The following AGRN variants were observed in gnomAD, a reference collection of about 807,000 sequenced individuals.
The protein encoded by AGRN is agrin.
A neutral mutation model predicts 211.0 loss-of-function variants in AGRN; 106 were observed. That is an observed-to-expected ratio of 0.50 (90% CI 0.43 to 0.59). The LOEUF is 0.59. Ranked by LOEUF, AGRN falls within the 20% of genes least tolerant of loss-of-function variation. AGRN has a pLI of 0.00. For synonymous variants in AGRN, 1,525 were observed against 1,332.5 expected (o/e 1.14, Z -3.15); for missense variants, 3,040 against 2,982.6 (o/e 1.02, Z -0.45).
intron 2 of AGRN, chr1:1,034,682 G>T: frequency 1.0e-6 from 1 of 991,464 alleles, no homozygotes; most frequent in East Asian, 1.1e-4. Flanking sequence ...CGGCTTCGCG[G>T]TGCTGCTGTT....
chr1:1,045,655 T>C, intron 14 of AGRN, 78 bp from the exon 15 acceptor site: 1 of 1,609,362 alleles, frequency 6.2e-7, no homozygotes, highest in Non-Finnish European at 8.5e-7. Context: ...AGAGCCAGGG[T>C]TGGGGACCAG....
intron 3 of AGRN, among the ~76,000 whole-genome samples, chr1:1,037,186 G>A (rs548600893): frequency 3.0e-4 from 45 of 152,200 alleles, no homozygotes; most frequent in Admixed American, 5.9e-4. Context: ...GGCAAGAACT[G>A]CGTTTCCACC....
intron 2 of AGRN, among the ~76,000 whole-genome samples, chr1:1,028,037 G>A (rs1644557367): frequency 6.6e-6 from 1 of 152,166 alleles, no homozygotes; most frequent in African/African-American, 2.4e-5. Flanking sequence ...TGTGAGCAGG[G>A]CTCACCATGA....
rs1317875061 is a variant in AGRN at position 1,047,704 on chromosome 1, G to A, written c.3631+17G>A. The A allele has an allele frequency of 2.5e-6, 4 of 1,612,946 alleles. No homozygotes were observed. Among genetic ancestry groups the A allele is most frequent in the Non-Finnish European group, 3.4e-6 (4 of 1,179,990 alleles). ...TTGACCCCAGTGAGACCTGCACCCT[G>A]GACCCTTCCTGGGAGGCAATGGGTG... On this transcript the variant is annotated intron_variant, in intron 21 of 35. Coordinates refer to ENST00000379370, the MANE Select transcript of AGRN (RefSeq NM_198576.4).
In AGRN at chr1:1,032,953, C is replaced by T. The variant is rs1644704765; in HGVS notation, c.464-2324C>T. Among the ~76,000 whole-genome samples, 1 of 152,050 alleles carries T rather than the reference C, an allele frequency of 6.6e-6. No individual in the cohort carries two copies. Among genetic ancestry groups the T allele is most frequent in the Admixed American group, 6.5e-5 (1 of 15,282 alleles). ...GCCCCTCCCTTACCCCCGGATCCCCCGGCTGGGCAGCGGCCAGGGAGAGGG... is the reference window on the plus strand; with the variant it reads ...GCCCCTCCCTTACCCCCGGATCCCCTGGCTGGGCAGCGGCCAGGGAGAGGG... On this transcript the variant is annotated intron_variant, in intron 2 of 35. Transcript: ENST00000379370. This position sits in a 1 kb window ranked among gnomAD's most constrained non-coding sequence, Gnocchi z 4.7.
chr1:1,043,901 C>T lies in AGRN; in HGVS notation c.1877C>T (p.Pro626Leu), dbSNP rs780726452. The change falls in exon 10 of 36, where the codon CCC becomes CTC. Residue 626 changes from proline to leucine, a missense_variant. Transcript: ENST00000379370. ...TGTGTGTGTCCCCGGTGTGAGCACCCCCCGCCCGGCCCCGTGTGTGGCAGC... is the reference window on the plus strand; with the variant it reads ...TGTGTGTGTCCCCGGTGTGAGCACCTCCCGCCCGGCCCCGTGTGTGGCAGC... ...GQCVCPRCEH[P>L]PPGPVCGSDG... 6.2e-7 allele frequency: 1 copy of T among 1,610,258 alleles called. No homozygotes were observed. Among genetic ancestry groups the T allele is most frequent in the East Asian group, 2.2e-5 (1 of 44,782 alleles).
chr1:1,049,341 C>T lies in AGRN; in HGVS notation c.4404C>T (p.Leu1468=), dbSNP rs1355780558. Residue 1468 remains leucine (L), a synonymous_variant, in exon 25 of 36, where the codon CTC becomes CTT. Coordinates refer to ENST00000379370, the MANE Select transcript of AGRN (RefSeq NM_198576.4). ...CCCGGCACTGGCGCCGGGGCACCCTCTCGGTGGATGGTGAGACCCCTGTTC... is the reference window on the plus strand; with the variant it reads ...CCCGGCACTGGCGCCGGGGCACCCTTTCGGTGGATGGTGAGACCCCTGTTC... ...ELSRHWRRGT[L]SVDGETPVLG... 35 of 1,598,168 alleles carry T rather than the reference C, an allele frequency of 2.2e-5. 1 individual carries two copies. The highest frequency in any genetic ancestry group is 2.7e-5 in the Non-Finnish European group (32 of 1,179,576).
In AGRN at chr1:1,044,016, C is replaced by G; in HGVS notation, c.1992C>G (p.Cys664Trp). 1 of 1,608,970 alleles carries G rather than the reference C, an allele frequency of 6.2e-7. No individual in the cohort carries two copies. ...TQIEEARAGPCEQAECGSGGS... is the reference protein window; with the variant it reads ...TQIEEARAGPWEQAECGSGGS... ...TCGAGGAGGCCCGGGCAGGGCCGTG[C>G]GAGCAGGGTAGGCCGGGGGACGCTG... The change falls in exon 10 of 36, where the codon TGC becomes TGG. Residue 664 changes from cysteine to tryptophan, a missense_variant. Cys to Trp is a radical substitution (Grantham distance 215). This residue lies in a region of AGRN where 1,498 missense variants were observed against 1,457.8 expected (regional missense o/e 1.03). Transcript: ENST00000379370.
intron 2 of AGRN, chr1:1,034,978 C>T: frequency 1.9e-6 from 1 of 532,780 alleles, no homozygotes. Context: ...TAGGGCAGGA[C>T]CTGCGGTGGA....
intron 2 of AGRN, among the ~76,000 whole-genome samples, chr1:1,025,516 G>C (rs562162324): frequency 6.6e-6 from 1 of 152,080 alleles, no homozygotes; most frequent in African/African-American, 2.4e-5. Context: ...GCTGGGGCCA[G>C]CCCCCTCTCC....
chr1:1,034,211 C>CGGCTCCGGG (rs1019548728), intron 2 of AGRN: 11 of 985,234 alleles, frequency 1.1e-5, no homozygotes, highest in African/African-American at 3.5e-5. Flanking sequence ...CCGGCCTGCG[C>CGGCTCCGGG]GGCTCCGGGG....
chr1:1,033,119 C>T (rs979358019), intron 2 of AGRN, among the ~76,000 whole-genome samples: 1 of 152,030 alleles, frequency 6.6e-6, no homozygotes, highest in African/African-American at 2.4e-5. Flanking sequence ...GGCGTTCCAG[C>T]CCCACGGACC....
chr1:1,054,102 T>C (rs1184372684), intron 34 of AGRN, 125 bp downstream of exon 34: 5 of 1,048,990 alleles, frequency 4.8e-6, no homozygotes, highest in Non-Finnish European at 5.7e-6. Context: ...TGAGCCGAGG[T>C]CACTGCCAGT....
chr1:1,051,746 C>T lies in AGRN; in HGVS notation c.5582C>T (p.Ala1861Val), dbSNP rs138113721. 31 of 1,613,740 alleles carry T rather than the reference C, an allele frequency of 1.9e-5. No homozygotes were observed. The highest frequency in any genetic ancestry group is 2.1e-5 in the Non-Finnish European group (25 of 1,179,984). Residue 1861 changes from alanine to valine, a missense_variant, in exon 33 of 36, where the codon GCG (alanine) becomes GTG (valine). By Grantham distance (64) the Ala-to-Val change is moderately conservative. This residue lies in a region of AGRN where 1,537 missense variants were observed against 1,505.0 expected (regional missense o/e 1.02). Coordinates refer to ENST00000379370, the MANE Select transcript of AGRN (RefSeq NM_198576.4). ...CTCACAGGGCTGGTGGAGAAGTCAG[C>T]GGGGGACGTGGATACCTTGGCCTTT... is the stretch of plus-strand genomic sequence containing the variant. ...HCEKGLVEKS[A>V]GDVDTLAFDG...
Position 1,046,474 on chromosome 1 carries a change from C to T in AGRN, c.2989C>T (p.Leu997=). 1.9e-6 allele frequency: 3 copies of T among 1,611,920 alleles called. No individual in the cohort carries two copies. The highest frequency in any genetic ancestry group is 2.5e-6 in the Non-Finnish European group (3 of 1,179,548). The change falls in exon 18 of 36, where the codon CTG becomes TTG. Residue 997 remains leucine, a synonymous_variant. Transcript: ENST00000379370. The part of the protein sequence containing the change: ...TTPGLLLSQA[L]PAPPGALPLA... ...CCCAGGGCTCCTCCTGAGCCAGGCA[C>T]TGCCGGCCCCCCCCGGCGCCCTCCC... is the stretch of plus-strand genomic sequence containing the variant.
At position 1,040,867 on chromosome 1, in the gene AGRN, C is replaced by T; in HGVS notation, c.714C>T (p.Ser238=). 1 of 1,521,666 alleles carries T rather than the reference C, an allele frequency of 6.6e-7. No homozygotes were observed. The highest frequency in any genetic ancestry group is 1.2e-5 in the South Asian group (1 of 82,760). The allele number at this position is 1,521,666 out of a possible 1,614,324, so 94.3% of individuals were successfully genotyped here. ...CSQQRRIRLL[S]RGPCGSRDPC... ...AGCAGCGCCGCATCCGCCTGCTCAGCCGCGGGCCGTGCGGTGAGCGGGGCG... is the reference window on the plus strand; with the variant it reads ...AGCAGCGCCGCATCCGCCTGCTCAGTCGCGGGCCGTGCGGTGAGCGGGGCG... The change falls in exon 4 of 36, where the codon AGC becomes AGT. Residue 238 remains serine (S), a synonymous_variant. Transcript: ENST00000379370.
rs1198530495 is a variant in AGRN, at chr1:1,051,577, G to T, written c.5495G>T (p.Cys1832Phe). The T allele has an allele frequency of 6.3e-7, 1 of 1,597,378 alleles. No homozygotes were observed. Among genetic ancestry groups the T allele is most frequent in the Non-Finnish European group, 8.5e-7 (1 of 1,170,902 alleles). Residue 1832 changes from cysteine to phenylalanine, a missense_variant, in exon 32 of 36, where the codon TGC becomes TTC. By Grantham distance (205) the Cys-to-Phe change is radical. Around this residue, in one of 3 missense-constraint regions of AGRN, gnomAD observed 1,537 missense variants for 1,505.0 expected, o/e 1.02. Transcript: ENST00000379370. ...CACCCCTGCCTCAATGGGGCCTCCTGCGTCCCGAGGGAGGCTGCCTATGTG... is the reference window on the plus strand; with the variant it reads ...CACCCCTGCCTCAATGGGGCCTCCTTCGTCCCGAGGGAGGCTGCCTATGTG... ...SGHPCLNGAS[C>F]VPREAAYVCL...
At position 1,043,626 on chromosome 1, in the gene AGRN, G is replaced by A. The variant is rs1366284054; in HGVS notation, c.1692G>A (p.Gln564=). 6.2e-7 allele frequency: 1 copy of A among 1,603,770 alleles called. No individual in the cohort carries two copies. ...VCPSECVALA[Q]PVCGSDGHTY... is the part of the protein sequence containing the mutation. ...CCTCTGAATGCGTGGCTTTGGCCCA[G>A]CCCGTGTGTGGCTCCGACGGGCACA... Residue 564 remains glutamine (Q), a synonymous_variant, in exon 9 of 36, where the codon CAG becomes CAA. Coordinates refer to ENST00000379370, the MANE Select transcript of AGRN (RefSeq NM_198576.4).
At position 1,048,686 on chromosome 1, in the gene AGRN, G is replaced by A; in HGVS notation, c.4106-181G>A. On this transcript the variant is annotated intron_variant, in intron 23 of 35. Coordinates refer to ENST00000379370, the MANE Select transcript of AGRN (RefSeq NM_198576.4). This position sits in a 1 kb window ranked among gnomAD's most constrained non-coding sequence, Gnocchi z 5.9. The stretch of plus-strand genomic sequence containing the variant: ...TGAGGCTGAGGCAGGAGAATCGCTT[G>A]AACCTGGCAGGCGGAGGTTGCGGTG... 4 of 737,296 alleles carry A rather than the reference G, an allele frequency of 5.4e-6. No homozygotes were observed. The highest frequency in any genetic ancestry group is 8.5e-6 in the Non-Finnish European group (4 of 468,922). The allele number at this position is 737,296 out of a possible 1,614,324, so 45.7% of individuals were successfully genotyped here. A position where few individuals can be genotyped will look rare whatever the true frequency, so the allele number is the denominator to read the frequency against.
Sources: allele counts gnomAD v4.1 joint callset (sites outside exome capture counted in the v4.1 genomes callset), GRCh38; gene constraint gnomAD v4.1.1; regional missense constraint gnomAD v4.1.1; non-coding constraint Gnocchi (gnomAD v3.1); transcripts MANE v1.5; gene names NCBI Gene and HGNC (gene_info 2026-07-23, HGNC 2026-07-21).